Variants in ERBB4 observed in about 807,000 individuals in gnomAD.
The protein encoded by ERBB4 is receptor tyrosine-protein kinase erbB-4.
ERBB4 carries 42 observed loss-of-function variants against 158.0 expected under a neutral mutation model. That is an observed-to-expected ratio of 0.27 (90% confidence interval 0.21 to 0.34). The LOEUF is 0.34. Among genes scored for constraint, ERBB4 ranks in the 10% least tolerant of loss-of-function variants. ERBB4 has a pLI of 1.00. For synonymous variants in ERBB4, 583 were observed against 558.7 expected (o/e 1.04, Z -0.61); for missense variants, 1,333 against 1,624.1 (o/e 0.82, Z 3.08).
intron 14 of ERBB4, among the ~76,000 whole-genome samples, chr2:211,671,190 A>G (rs1574958485): frequency 6.6e-6 from 1 of 152,190 alleles, no homozygotes; most frequent in Admixed American, 6.5e-5. Flanking sequence ...AGTATACAAT[A>G]GATGAAGAAA....
intron 2 of ERBB4, among the ~76,000 whole-genome samples, chr2:212,104,788 G>C (rs7591736): frequency 0.15 from 23,523 of 151,952 alleles, 3,493 homozygotes; most frequent in African/African-American, 0.39. Context: ...GTCGATTTGC[G>C]CTTTGCTAGA....
chr2:211,898,946 A>G (rs181642686), intron 3 of ERBB4, among the ~76,000 whole-genome samples: 2 of 152,250 alleles, frequency 1.3e-5, no homozygotes, highest in Admixed American at 6.5e-5. Flanking sequence ...CGTCCAAACT[A>G]CCATTCTCAA....
chr2:212,426,395 G>T (rs764660906), intron 1 of ERBB4: 1 of 421,968 alleles, frequency 2.4e-6, no homozygotes, highest in Non-Finnish European at 4.6e-6. Flanking sequence ...GATCTCTTTC[G>T]TCACACATTT....
At chr2:211,510,298 C>A (rs7575295) in intron 20 of ERBB4, among the ~76,000 whole-genome samples, 1 of 151,910 alleles carries the variant, frequency 6.6e-6, no homozygotes, top group South Asian at 2.1e-4. Context: ...ATAATAAACA[C>A]GGGGCACTCT....
intron 25 of ERBB4, among the ~76,000 whole-genome samples, chr2:211,390,372 GT>G (rs2062776061): frequency 6.6e-6 from 1 of 152,164 alleles, no homozygotes. Context: ...CAAGTCTATG[GT>G]TATATATTAG....
chr2:211,619,453 A>G (rs1298108616), intron 18 of ERBB4, among the ~76,000 whole-genome samples, 178 bp from the exon 19 acceptor site: 3 of 152,172 alleles, frequency 2.0e-5, no homozygotes, highest in Admixed American at 1.3e-4. Flanking sequence ...GATGTTGCTC[A>G]TATACATGAT....
chr2:212,323,573 A>T (rs1356241177), intron 1 of ERBB4, among the ~76,000 whole-genome samples: 1 of 150,480 alleles, frequency 6.6e-6, no homozygotes, highest in Admixed American at 6.6e-5. Flanking sequence ...TTCACCTCTC[A>T]AAGTTTAATA....
chr2:212,460,871 T>A (rs185869433), intron 1 of ERBB4, among the ~76,000 whole-genome samples: 1 of 152,302 alleles, frequency 6.6e-6, no homozygotes, highest in Admixed American at 6.5e-5. Flanking sequence ...GAGGTCTTCA[T>A]GGCAGCCCCT....
At chr2:212,086,784 T>C (rs2078627276) in intron 2 of ERBB4, among the ~76,000 whole-genome samples, 1 of 151,984 alleles carries the variant, frequency 6.6e-6, no homozygotes. Flanking sequence ...ATCCAGAAAC[T>C]GTTAGGAGAA....
intron 1 of ERBB4, among the ~76,000 whole-genome samples, chr2:212,413,346 A>G (rs533620362): frequency 1.3e-5 from 2 of 151,812 alleles, no homozygotes; most frequent in African/African-American, 2.4e-5. Flanking sequence ...CTACTCTCTT[A>G]TTTACTTGTG....
intron 3 of ERBB4, among the ~76,000 whole-genome samples, chr2:211,817,905 A>G (rs1209001286): frequency 1.3e-5 from 2 of 152,194 alleles, no homozygotes; most frequent in Admixed American, 1.3e-4. Context: ...TTGCAGAACT[A>G]TCGAATCCTC....
At chr2:211,894,262 G>C (rs2079044216) in intron 3 of ERBB4, among the ~76,000 whole-genome samples, 1 of 145,610 alleles carries the variant, frequency 6.9e-6, no homozygotes, top group Admixed American at 6.9e-5. Flanking sequence ...TCCTTTGTAG[G>C]GACATGGATG....
At chr2:212,085,063 A>G (rs1330414717) in intron 2 of ERBB4, among the ~76,000 whole-genome samples, 1 of 151,952 alleles carries the variant, frequency 6.6e-6, no homozygotes, top group Non-Finnish European at 1.5e-5. Context: ...CAAAATAAAC[A>G]TGCATTTTCC....
chr2:212,193,632 G>T (rs1007065709), intron 1 of ERBB4, among the ~76,000 whole-genome samples: 2 of 151,774 alleles, frequency 1.3e-5, no homozygotes, highest in Non-Finnish European at 2.9e-5. Flanking sequence ...CAGTTCTAAA[G>T]AAAGTAATCA....
chr2:212,347,459 T>C (rs979711910), intron 1 of ERBB4, among the ~76,000 whole-genome samples: 6 of 152,136 alleles, frequency 3.9e-5, no homozygotes, highest in Admixed American at 3.9e-4. Context: ...TGACAGATAT[T>C]GGAGTGTTGG....
intron 1 of ERBB4, among the ~76,000 whole-genome samples, chr2:212,426,848 T>C (rs1197306662): frequency 7.2e-5 from 11 of 152,098 alleles, no homozygotes; most frequent in Admixed American, 6.6e-4. Context: ...GGGGTAGCCA[T>C]ACTCTAGCCA....
At position 211,378,963 on chromosome 2, in the gene ERBB4, A is replaced by AAGTT. The variant is rs2062528214; in HGVS notation, c.*4648_*4651dup. 1 of 231,838 alleles carries AAGTT rather than the reference A, an allele frequency of 4.3e-6. No homozygotes were observed. The highest frequency in any genetic ancestry group is 8.5e-6 in the Non-Finnish European group (1 of 117,290). The allele number at this position is 231,838 out of a possible 1,614,324, so 14.4% of individuals were successfully genotyped here. ...ATCCTCTGCCCACAGTATACAGTAG[A>AAGTT]AGTTAATTTATCTGGTTTTTTTAAC... On this transcript the variant is annotated 3_prime_UTR_variant, in exon 28 of 28. Coordinates refer to ENST00000342788, the MANE Select transcript of ERBB4 (RefSeq NM_005235.3).
intron 4 of ERBB4, among the ~76,000 whole-genome samples, chr2:211,754,705 G>T (rs12052868): frequency 1.4e-5 from 2 of 144,418 alleles, no homozygotes; most frequent in Non-Finnish European, 3.0e-5. Context: ...CTGTGCCCGA[G>T]CTTTTTTTTT....
rs2080208083 is a variant in ERBB4, at chr2:212,134,532, G to C, written c.83-9629C>G. ...TCATAATTTTCATTACATAAAACTA[G>C]ACATAAAATATTTTTCAGTGTAAAA... On this transcript the variant is annotated intron_variant, in intron 1 of 27. Coordinates refer to ENST00000342788, the MANE Select transcript of ERBB4 (RefSeq NM_005235.3). Among the ~76,000 whole-genome samples, 3 of 151,588 alleles carry C rather than the reference G, an allele frequency of 2.0e-5. No individual in the cohort carries two copies. The South Asian group carries it at 6.2e-4, about 31-fold the overall frequency.
Sources: allele counts gnomAD v4.1 joint callset (sites outside exome capture counted in the v4.1 genomes callset), GRCh38; gene constraint gnomAD v4.1.1; transcripts MANE v1.5; gene names NCBI Gene and HGNC (gene_info 2026-07-23, HGNC 2026-07-21).